ITGB5: variants seen among roughly 807,000 people sequenced by gnomAD.
ITGB5 encodes integrin beta-5.
Under a neutral mutation model 84.8 loss-of-function variants are expected in ITGB5, and 38 were observed. The ratio of observed to expected loss-of-function variants is 0.45; its 90% CI spans 0.35 to 0.59. The LOEUF (loss-of-function observed/expected upper bound fraction) is 0.59. ITGB5 is among the 20% of genes least tolerant of loss of function. The pLI, the probability that ITGB5 is intolerant of heterozygous loss-of-function variation, is 0.01. For synonymous variants in ITGB5, 393 were observed against 414.4 expected (o/e 0.95, Z 0.63); for missense variants, 905 against 1,034.5 (o/e 0.87, Z 1.72).
intron 13 of ITGB5, 107 bp from the exon 14 acceptor site, chr3:124,764,664 TCTC>T (rs1336978735): frequency 1.7e-5 from 17 of 1,011,934 alleles, no homozygotes; most frequent in African/African-American, 1.1e-4. Flanking sequence ...CCAAAGGCCT[TCTC>T]CTCGGCTCTC....
intron 5 of ITGB5, among the ~76,000 whole-genome samples, chr3:124,835,583 G>A (rs752903664): frequency 1.8e-4 from 27 of 152,250 alleles, no homozygotes; most frequent in Non-Finnish European, 4.0e-4. Context: ...AGCAGAAGCA[G>A]CTCACACATG....
intron 10 of ITGB5, among the ~76,000 whole-genome samples, chr3:124,783,998 C>T (rs1028681556): frequency 2.0e-5 from 3 of 152,202 alleles, no homozygotes; most frequent in African/African-American, 7.2e-5. Context: ...CTTTGTCCTT[C>T]ATCGGCTGGA....
intron 5 of ITGB5, among the ~76,000 whole-genome samples, chr3:124,827,411 T>TTCTTC (rs573056839): frequency 3.4e-4 from 52 of 152,250 alleles, no homozygotes; most frequent in Middle Eastern, 3.4e-3. Context: ...ATTTTTACAT[T>TTCTTC]TCTTCTCTTC....
At chr3:124,792,264 A>T (rs1484675921) in intron 10 of ITGB5, 2 of 152,236 alleles carry the variant, frequency 1.3e-5, no homozygotes, top group Non-Finnish European at 2.9e-5. Context: ...ATCATACAAA[A>T]TTGTATGCAG....
intron 1 of ITGB5, among the ~76,000 whole-genome samples, chr3:124,892,926 G>T (rs1306160126): frequency 6.6e-6 from 1 of 152,110 alleles, no homozygotes; most frequent in East Asian, 1.9e-4. Context: ...GAGAAAAAGA[G>T]TTCGGGGCAG....
At chr3:124,798,084 C>T (rs570835912) in intron 9 of ITGB5, among the ~76,000 whole-genome samples, 73 of 62,298 alleles carry the variant, frequency 1.2e-3, no homozygotes, top group African/African-American at 5.6e-3. Context: ...GGTGGAGTCT[C>T]GCTCTGTTGC....
chr3:124,818,202 C>T (rs1172730400), intron 7 of ITGB5, among the ~76,000 whole-genome samples: 5 of 151,964 alleles, frequency 3.3e-5, no homozygotes, highest in East Asian at 3.9e-4. Flanking sequence ...GAACGAATGG[C>T]GCCCTCCCAC....
intron 1 of ITGB5, among the ~76,000 whole-genome samples, chr3:124,879,494 T>C (rs1375309703): frequency 6.6e-6 from 1 of 152,208 alleles, no homozygotes; most frequent in Non-Finnish European, 1.5e-5. Flanking sequence ...TAGCCATATG[T>C]CTAAATGTTA....
upstream of ITGB5, among the ~76,000 whole-genome samples, chr3:124,891,425 A>G (rs1448039544): frequency 7.2e-5 from 11 of 152,072 alleles, no homozygotes; most frequent in Non-Finnish European, 1.3e-4. Context: ...CATGCCTATG[A>G]TCCCAGAACT....
chr3:124,782,793 G>A (rs186579082), intron 10 of ITGB5, among the ~76,000 whole-genome samples: 3 of 152,196 alleles, frequency 2.0e-5, no homozygotes, highest in Non-Finnish European at 4.4e-5. Context: ...AGGAGGTGGA[G>A]GAGGTTGCAG....
upstream of ITGB5, among the ~76,000 whole-genome samples, chr3:124,889,062 AG>A (rs1469693679): frequency 1.3e-5 from 2 of 152,210 alleles, no homozygotes; most frequent in Non-Finnish European, 1.5e-5. Context: ...GAACCGTGTC[AG>A]GCAAACCTGC....
At position 124,773,928 on chromosome 3, in the gene ITGB5, T is replaced by C. The variant is rs2063886119; in HGVS notation, c.1694-16A>G. On this transcript the variant is annotated splice_polypyrimidine_tract_variant and intron_variant, in intron 10 of 14. Transcript: ENST00000296181. ...TCGCCATGGCCTAAAAGGATACATGTGGCACATCAGCACCTGCTCACCTTT... is the reference window on the plus strand; with the variant it reads ...TCGCCATGGCCTAAAAGGATACATGCGGCACATCAGCACCTGCTCACCTTT... The C allele has an allele frequency of 1.2e-6, 2 of 1,611,218 alleles. No individual in the cohort carries two copies. The highest frequency in any genetic ancestry group is 1.7e-6 in the Non-Finnish European group (2 of 1,177,688).
At chr3:124,787,672 T>C (rs1304271422) in intron 10 of ITGB5, 1 of 152,242 alleles carries the variant, frequency 6.6e-6, no homozygotes, top group Non-Finnish European at 1.5e-5. Context: ...TTGTTGTTTC[T>C]ATATTTGTAG....
At chr3:124,824,398 T>C (rs374781092) in intron 5 of ITGB5, among the ~76,000 whole-genome samples, 24 of 152,318 alleles carry the variant, frequency 1.6e-4, no homozygotes, top group African/African-American at 4.3e-4. Flanking sequence ...AAGTGGATCA[T>C]TGACCTAAAC....
chr3:124,842,323 C>A (rs574025496), intron 4 of ITGB5, among the ~76,000 whole-genome samples: 1 of 152,350 alleles, frequency 6.6e-6, no homozygotes, highest in East Asian at 1.9e-4. Flanking sequence ...TTTCAGTCTC[C>A]TGTGGAGACT....
chr3:124,821,435 C>A lies in ITGB5; in HGVS notation c.820G>T (p.Val274Leu). Residue 274 changes from valine (V) to leucine (L), a missense_variant, in exon 6 of 15, where the codon GTG becomes TTG. This residue lies in a region of ITGB5 where 656 missense variants were observed against 734.7 expected (regional missense o/e 0.89). Transcript: ENST00000296181. ...GWRKDALHLL[V>L]FTTDDVPHIA... ...TGGGGCACATCATCTGTTGTGAACA[C>A]CAGCAAATGCAGTGCATCCTTTCGC... The A allele has an allele frequency of 6.2e-7, 1 of 1,614,256 alleles. No homozygotes were observed. The highest frequency in any genetic ancestry group is 8.5e-7 in the Non-Finnish European group (1 of 1,180,046).
At chr3:124,765,212 A>AC (rs2063749473) in intron 13 of ITGB5, among the ~76,000 whole-genome samples, 1 of 152,084 alleles carries the variant, frequency 6.6e-6, no homozygotes, top group Non-Finnish European at 1.5e-5. Context: ...CTGCCTCCCT[A>AC]CCCCCAAGAA....
chr3:124,823,083 A>C (rs2064731621), intron 5 of ITGB5, among the ~76,000 whole-genome samples: 1 of 152,112 alleles, frequency 6.6e-6, no homozygotes, highest in Admixed American at 6.5e-5. Flanking sequence ...CAACATAGGG[A>C]GACCCCATCT....
intron 10 of ITGB5, among the ~76,000 whole-genome samples, chr3:124,795,389 T>C (rs2064207632): frequency 1.3e-5 from 2 of 151,856 alleles, no homozygotes; most frequent in Non-Finnish European, 2.9e-5. Context: ...CTCGGGAGTC[T>C]GAGGCAGGAG....
Sources: allele counts gnomAD v4.1 joint callset (sites outside exome capture counted in the v4.1 genomes callset), GRCh38; gene constraint gnomAD v4.1.1; regional missense constraint gnomAD v4.1.1; transcripts MANE v1.5; gene names NCBI Gene and HGNC (gene_info 2026-07-23, HGNC 2026-07-21).